The following ATP8B4 variants were observed in gnomAD, a reference collection of about 807,000 sequenced individuals.
ATP8B4 encodes the protein probable phospholipid-transporting ATPase IM.
Under a neutral mutation model 145.6 loss-of-function variants are expected in ATP8B4, and 133 were observed. That is an observed-to-expected ratio of 0.91 (90% CI 0.79 to 1.05). The LOEUF is 1.05. Ranked by LOEUF, ATP8B4 falls within the 50% of genes least tolerant of loss-of-function variation. ATP8B4 has a pLI of 0.00. For synonymous variants in ATP8B4, 507 were observed against 492.9 expected, an observed-to-expected ratio of 1.03 and a Z score of -0.38; for missense variants, 1,458 against 1,425.2, an observed-to-expected ratio of 1.02 and a Z score of -0.37.
At chr15:50,042,816 T>C (rs977797178) in intron 5 of ATP8B4, among the ~76,000 whole-genome samples, 1 of 152,126 alleles carries the variant, frequency 6.6e-6, no homozygotes, top group Admixed American at 6.5e-5. Flanking sequence ...GTATGTCTGT[T>C]AAGCCAATAA....
chr15:49,891,017 G>A (rs894018369), intron 23 of ATP8B4, among the ~76,000 whole-genome samples: 3 of 152,070 alleles, frequency 2.0e-5, no homozygotes, highest in Admixed American at 1.3e-4. Flanking sequence ...CAATGAGTTG[G>A]TGTTAAACAG....
intron 6 of ATP8B4, among the ~76,000 whole-genome samples, chr15:50,033,132 T>C (rs527333440): frequency 1.3e-5 from 2 of 152,246 alleles, no homozygotes; most frequent in East Asian, 3.9e-4. Context: ...TACTCTACAG[T>C]AGTAAAAGAA....
In ATP8B4 at chr15:50,048,750, G is replaced by A. The variant is rs751108860; in HGVS notation, c.88-1286C>T. 2.6e-5 allele frequency among the ~76,000 whole-genome samples: 4 copies of A among 151,100 alleles called. No individual in the cohort carries two copies. In the East Asian group the frequency reaches 7.8e-4, roughly 29 times the overall value. Reference sequence around the variant, plus strand: ...AGATGGGCAAAGGGGACATTACCAAGAGAAACCTGGCACCACAAGTACAGA... The same window carrying A: ...AGATGGGCAAAGGGGACATTACCAAAAGAAACCTGGCACCACAAGTACAGA... On this transcript the variant is annotated intron_variant, in intron 3 of 27. Coordinates refer to ENST00000284509, the MANE Select transcript of ATP8B4 (RefSeq NM_024837.4).
rs58052162 is a variant in ATP8B4, at chr15:49,948,809, C to CCCATCAGTCAATT, written c.1287+13155_1287+13167dup. On this transcript the variant is annotated intron_variant, in intron 14 of 27. Coordinates refer to ENST00000284509, the MANE Select transcript of ATP8B4 (RefSeq NM_024837.4). ...CAGAAGCTCTTTAGTTTAATTACATCCCATCAGTCAATTTTGGATTTTGTT... is the reference window on the plus strand; with the variant it reads ...CAGAAGCTCTTTAGTTTAATTACATCCCATCAGTCAATTCCATCAGTCAATTTTGGATTTTGTT... Among the ~76,000 whole-genome samples, 1,007 of 152,284 alleles carry CCCATCAGTCAATT rather than the reference C, an allele frequency of 6.6e-3. 11 individuals are homozygous for CCCATCAGTCAATT. The highest frequency in any genetic ancestry group is 0.023 in the African/African-American group (968 of 41,552).
rs1600311742 is a variant in ATP8B4 at position 50,089,772 on chromosome 15, A to T, written c.29-15587T>A. ...TTTTTACACTGTTGGTGGGAATATA[A>T]ATTACTCCAACCATTGTGGAAGTCA... On this transcript the variant is annotated intron_variant, in intron 2 of 27. Transcript: ENST00000284509. Among the ~76,000 whole-genome samples the T allele has an allele frequency of 2.6e-5, 4 of 152,032 alleles. No individual in the cohort carries two copies. In the South Asian group the frequency reaches 8.3e-4, roughly 32 times the overall value.
intron 5 of ATP8B4, among the ~76,000 whole-genome samples, chr15:50,039,081 GT>G (rs2051068117): frequency 6.6e-6 from 1 of 152,110 alleles, no homozygotes; most frequent in South Asian, 2.1e-4. Context: ...ATCTCCACAC[GT>G]TTAGTTGCTT....
At chr15:49,975,575 TGTTTG>T (rs1245888302) in intron 12 of ATP8B4, among the ~76,000 whole-genome samples, 6 of 152,192 alleles carry the variant, frequency 3.9e-5, no homozygotes, top group Non-Finnish European at 8.8e-5. Flanking sequence ...TTTCCATCTA[TGTTTG>T]GTAGAGTCCA....
intron 6 of ATP8B4, among the ~76,000 whole-genome samples, chr15:50,021,169 T>TA (rs1555458686): frequency 3.3e-5 from 5 of 151,768 alleles, no homozygotes; most frequent in Admixed American, 6.6e-5. Flanking sequence ...GATAGATAGA[T>TA]AATTCTACTT....
intron 13 of ATP8B4, among the ~76,000 whole-genome samples, chr15:49,967,824 A>C (rs1290252118): frequency 6.6e-6 from 1 of 152,202 alleles, no homozygotes; most frequent in African/African-American, 2.4e-5. Context: ...CATACTCATC[A>C]GATTCATCAA....
Position 49,934,119 on chromosome 15 carries a change from G to C in ATP8B4, c.1351C>G (p.His451Asp), listed in dbSNP as rs778606504. 9 of 1,612,482 alleles carry C rather than the reference G, an allele frequency of 5.6e-6. No individual in the cohort carries two copies. Among genetic ancestry groups the C allele is most frequent in the Non-Finnish European group, 7.6e-6 (9 of 1,179,208 alleles). ...QADREFQFFD[H>D]HLMESIKMGD... ...ATTTTAATGGATTCCATCAGATGGT[G>C]GTCAAAGAACTGAAATTCTCTATCC... Residue 451 changes from histidine to aspartate, a missense_variant, in exon 15 of 28, where the codon CAC (histidine) becomes GAC (aspartate). Coordinates refer to ENST00000284509, the MANE Select transcript of ATP8B4 (RefSeq NM_024837.4).
intron 14 of ATP8B4, among the ~76,000 whole-genome samples, chr15:49,958,633 T>A (rs1005022179): frequency 1.5e-4 from 23 of 152,022 alleles, no homozygotes; most frequent in Non-Finnish European, 2.7e-4. Context: ...AATATGAATT[T>A]AAAAGACTTA....
rs1264087931 is a variant in ATP8B4 at position 49,991,144 on chromosome 15, G to A, written c.590-3595C>T. Among the ~76,000 whole-genome samples the A allele has an allele frequency of 2.6e-5, 4 of 152,098 alleles. No homozygotes were observed. The East Asian group carries it at 5.8e-4, about 22-fold the overall frequency. On this transcript the variant is annotated intron_variant, in intron 9 of 27. Transcript: ENST00000284509. ...TGCTCCAGTCCAGGTGAATAGGAAA[G>A]CTATCTGGTAAGCAAAAAAACTCAC...
At chr15:49,867,342 C>A (rs1289722730) in intron 25 of ATP8B4, among the ~76,000 whole-genome samples, 2 of 152,236 alleles carry the variant, frequency 1.3e-5, no homozygotes, top group Non-Finnish European at 2.9e-5. Context: ...TCCCTCTCAA[C>A]ATGCTGAGAC....
chr15:50,080,967 G>T (rs1600242730), intron 2 of ATP8B4, among the ~76,000 whole-genome samples: 1 of 152,064 alleles, frequency 6.6e-6, no homozygotes, highest in African/African-American at 2.4e-5. Context: ...CAAAAAATTA[G>T]CCAGGCGTGG....
chr15:49,911,743 C>T (rs2039252933), intron 20 of ATP8B4, among the ~76,000 whole-genome samples: 1 of 152,128 alleles, frequency 6.6e-6, no homozygotes, highest in Admixed American at 6.5e-5. Context: ...ACATTCTTCT[C>T]ACCAGCACAT....
intron 6 of ATP8B4, among the ~76,000 whole-genome samples, chr15:50,036,594 T>G (rs1192804068): frequency 6.6e-6 from 1 of 152,192 alleles, no homozygotes; most frequent in Non-Finnish European, 1.5e-5. Context: ...AACCACCATA[T>G]GCACTGGAAT....
At chr15:49,973,172 C>T (rs1160852625) in intron 12 of ATP8B4, among the ~76,000 whole-genome samples, 1 of 152,176 alleles carries the variant, frequency 6.6e-6, no homozygotes, top group Non-Finnish European at 1.5e-5. Context: ...GGACGCTTTT[C>T]CACAGATCAG....
chr15:50,074,379 A>G (rs1289273397), intron 2 of ATP8B4, among the ~76,000 whole-genome samples, 194 bp from the exon 3 acceptor site: 1 of 152,234 alleles, frequency 6.6e-6, no homozygotes, highest in Non-Finnish European at 1.5e-5. Context: ...GAAAGCTACA[A>G]TGTTTCTCAT....
Position 50,127,627 on chromosome 15 carries a change from G to T in ATP8B4, c.-42-20619C>A, listed in dbSNP as rs952907017. 2.6e-5 allele frequency among the ~76,000 whole-genome samples: 4 copies of T among 152,198 alleles called. No individual in the cohort carries two copies. The East Asian group carries it at 5.8e-4, about 22-fold the overall frequency. ...TATCTCTGAGGATAGCAACCTAGAC[G>T]CATTCTCTCTTAGATAAATAAACTG... On this transcript the variant is annotated intron_variant, in intron 1 of 3. Transcript: ENST00000558829.
Sources: gnomAD v4.1 joint callset for allele counts (sites outside exome capture counted in the v4.1 genomes callset) on GRCh38, gnomAD v4.1.1 for gene constraint, MANE v1.5 for transcripts, NCBI Gene and HGNC (gene_info 2026-07-23, HGNC 2026-07-21) for gene names.